Variants in ZDHHC7 observed in about 807,000 individuals in gnomAD.
The protein encoded by ZDHHC7 is zDHHC palmitoyltransferase 7, also known as palmitoyltransferase ZDHHC7.
In ZDHHC7, 12 loss-of-function variants were observed where a neutral mutation model predicts 34.1. That is an observed-to-expected ratio of 0.35 (90% CI 0.23 to 0.57). The LOEUF (loss-of-function observed/expected upper bound fraction) is 0.57. Ranked by LOEUF, ZDHHC7 falls within the 20% of genes least tolerant of loss-of-function variation. ZDHHC7 has a pLI of 0.84. For synonymous variants in ZDHHC7, 185 were observed against 155.4 expected (o/e 1.19, Z -1.42); for missense variants, 388 against 402.7 (o/e 0.96, Z 0.31).
At chr16:84,998,918 T>C (rs928802017) in intron 1 of ZDHHC7, among the ~76,000 whole-genome samples, 1 of 152,014 alleles carries the variant, frequency 6.6e-6, no homozygotes, top group Non-Finnish European at 1.5e-5. Context: ...CACTCCCAGC[T>C]AATTTTTTGT....
Position 84,990,196 on chromosome 16 carries a change from A to G in ZDHHC7, c.315+108T>C, listed in dbSNP as rs954334073. The G allele has an allele frequency of 4.6e-6, 6 of 1,300,506 alleles. No individual in the cohort carries two copies. In the African/African-American group the frequency reaches 8.9e-5, roughly 19 times the overall value. 80.6% of individuals were successfully genotyped at this position (1,300,506 alleles called of 1,614,324 possible). A position where few individuals can be genotyped will look rare whatever the true frequency, so the allele number is the denominator to read the frequency against. ...GCTCAATCCACCTTTCTTGTTCCAC[A>G]CCCATGTCAATATGTCCCTGTGCAC... On this transcript the variant is annotated intron_variant, in intron 3 of 7. Transcript: ENST00000313732.
intron 1 of ZDHHC7, among the ~76,000 whole-genome samples, chr16:85,008,290 T>A (rs1255679888): frequency 1.3e-5 from 2 of 152,038 alleles, no homozygotes; most frequent in African/African-American, 2.4e-5. Context: ...CAATCAATCA[T>A]GCCTGCATAA....
chr16:85,001,199 G>A (rs981423669), intron 1 of ZDHHC7, among the ~76,000 whole-genome samples: 3 of 152,104 alleles, frequency 2.0e-5, no homozygotes, highest in Non-Finnish European at 4.4e-5. Context: ...GGCCGGGCGC[G>A]GTGCCTCATG....
intron 2 of ZDHHC7, among the ~76,000 whole-genome samples, chr16:84,994,589 G>A (rs952557029): frequency 6.6e-6 from 1 of 152,222 alleles, no homozygotes; most frequent in African/African-American, 2.4e-5. Context: ...TCCTGGTTCA[G>A]GTCCTGGTAA....
chr16:84,990,857 A>G (rs1159554673), intron 2 of ZDHHC7, among the ~76,000 whole-genome samples: 1 of 94,918 alleles, frequency 1.1e-5, no homozygotes, highest in Non-Finnish European at 1.9e-5. Context: ...GGTTATGCCT[A>G]CATATACAAA....
upstream of ZDHHC7, among the ~76,000 whole-genome samples, chr16:85,014,872 A>G (rs1284585073): frequency 9.2e-5 from 14 of 152,104 alleles, no homozygotes; most frequent in Admixed American, 9.2e-4. Flanking sequence ...TAAGATGTAC[A>G]TTGGTTCAGT....
At chr16:85,024,789 A>G in the ZDHHC7 span, among the ~76,000 whole-genome samples, 1 of 152,142 alleles carries the variant, frequency 6.6e-6, no homozygotes, top group Non-Finnish European at 1.5e-5. Flanking sequence ...TGCAGATCTG[A>G]TCAATCCAGT....
intron 2 of ZDHHC7, among the ~76,000 whole-genome samples, chr16:84,993,429 T>C (rs557475289): frequency 1.1e-4 from 16 of 152,172 alleles, no homozygotes; most frequent in African/African-American, 3.6e-4. Context: ...CCCAGGAGTT[T>C]GAGACTGGCC....
the ZDHHC7 span, among the ~76,000 whole-genome samples, chr16:85,020,136 C>G: frequency 1.3e-5 from 2 of 152,228 alleles, no homozygotes; most frequent in East Asian, 3.8e-4. Flanking sequence ...GCCAAGCCAG[C>G]CTCCTCGAGG....
chr16:84,990,122 TCTGGC>T (rs1276179169), intron 3 of ZDHHC7, among the ~76,000 whole-genome samples, 177 bp downstream of exon 3: 1 of 152,124 alleles, frequency 6.6e-6, no homozygotes, highest in Non-Finnish European at 1.5e-5. Context: ...CTGCGCTAGG[TCTGGC>T]CTATGTTTAT....
At chr16:84,982,095 G>C (rs1341780628) in intron 3 of ZDHHC7, 101 bp from the exon 4 acceptor site, 1 of 1,492,290 alleles carries the variant, frequency 6.7e-7, no homozygotes, top group Non-Finnish European at 9.1e-7. Flanking sequence ...ACTTTGGGAG[G>C]CTGAGGCGGG....
At chr16:85,008,557 T>G (rs1835438862) in intron 1 of ZDHHC7, among the ~76,000 whole-genome samples, 1 of 151,240 alleles carries the variant, frequency 6.6e-6, no homozygotes, top group Non-Finnish European at 1.5e-5. Flanking sequence ...AGGGCAGTCC[T>G]GTGTGGACTG....
the ZDHHC7 span, among the ~76,000 whole-genome samples, chr16:85,022,546 G>A: frequency 1.3e-5 from 2 of 151,762 alleles, no homozygotes; most frequent in South Asian, 4.2e-4. Context: ...AGGAGAAGAA[G>A]ACAACTCAAC....
the ZDHHC7 span, among the ~76,000 whole-genome samples, chr16:85,025,205 G>C: frequency 3.2e-4 from 48 of 152,126 alleles, no homozygotes; most frequent in African/African-American, 8.7e-4. Flanking sequence ...TTGAATTCAG[G>C]AGGTGGAGGT....
the ZDHHC7 span, among the ~76,000 whole-genome samples, chr16:85,025,296 C>T: frequency 2.0e-5 from 3 of 151,762 alleles, no homozygotes; most frequent in Non-Finnish European, 2.9e-5. Context: ...TAATCTGAGA[C>T]TGAAGCCAAC....
At chr16:85,018,358 G>A in the ZDHHC7 span, among the ~76,000 whole-genome samples, 1 of 152,150 alleles carries the variant, frequency 6.6e-6, no homozygotes, top group African/African-American at 2.4e-5. Flanking sequence ...GGGGGGCAGG[G>A]TGCTAGTAAT....
chr16:84,988,752 C>T (rs1218014557), intron 3 of ZDHHC7: 2 of 1,550,752 alleles, frequency 1.3e-6, no homozygotes, highest in African/African-American at 2.7e-5. Flanking sequence ...ATGTGCCTAC[C>T]CCACACTCAC....
chr16:85,016,193 A>G (rs2072833472), upstream of ZDHHC7, among the ~76,000 whole-genome samples: 1 of 151,990 alleles, frequency 6.6e-6, no homozygotes, highest in African/African-American at 2.4e-5. Flanking sequence ...TATTATTATT[A>G]TTTAAATTTA....
At chr16:84,997,836 T>C (rs1286516537) in intron 1 of ZDHHC7, among the ~76,000 whole-genome samples, 1 of 123,270 alleles carries the variant, frequency 8.1e-6, no homozygotes, top group Non-Finnish European at 1.6e-5. Context: ...GAGCTTGCAG[T>C]GGGCCGAGAT....
Sources: allele counts gnomAD v4.1 joint callset (sites outside exome capture counted in the v4.1 genomes callset), GRCh38; gene constraint gnomAD v4.1.1; transcripts MANE v1.5; gene names NCBI Gene and HGNC (gene_info 2026-07-23, HGNC 2026-07-21).